The following ZNF91 variants were observed in gnomAD, a reference collection of about 807,000 sequenced individuals.
ZNF91 encodes the protein zinc finger protein 91 (HPF7, HTF10).
Under a neutral mutation model 12.6 loss-of-function variants are expected in ZNF91, and 7 were observed. That is an observed-to-expected ratio of 0.55 (90% CI 0.31 to 1.04). The LOEUF (loss-of-function observed/expected upper bound fraction) is 1.04. Among genes scored for constraint, ZNF91 ranks in the 50% least tolerant of loss-of-function variants. ZNF91 has a pLI of 0.05. For synonymous variants in ZNF91, 453 were observed against 462.6 expected (o/e 0.98, Z 0.27); for missense variants, 1,217 against 1,385.4 (o/e 0.88, Z 1.93).
chr19:23,316,538 G>T (rs79552274), intron 1 of ZNF91, among the ~76,000 whole-genome samples: 3,367 of 152,202 alleles, frequency 0.022, 49 homozygotes, highest in Middle Eastern at 0.044. Context: ...TCTTCTGCCT[G>T]GTCCCTTGTG....
intron 3 of ZNF91, among the ~76,000 whole-genome samples, chr19:23,365,178 GA>G (rs1230472886): frequency 4.1e-5 from 6 of 146,296 alleles, no homozygotes; most frequent in Admixed American, 2.7e-4. Context: ...TGTAATAAAA[GA>G]AAAAAAATTC....
intron 3 of ZNF91, among the ~76,000 whole-genome samples, chr19:23,368,442 G>A (rs1444628562): frequency 1.3e-5 from 2 of 151,632 alleles, no homozygotes; most frequent in Non-Finnish European, 2.9e-5. Flanking sequence ...TTGAACCCAG[G>A]AGGTGGGGGT....
chr19:23,326,714 T>G (rs188522238), intron 1 of ZNF91: 4 of 152,332 alleles, frequency 2.6e-5, no homozygotes, highest in African/African-American at 9.6e-5. Context: ...GCCTAACTAT[T>G]ACTACACATT....
intron 3 of ZNF91, among the ~76,000 whole-genome samples, chr19:23,369,607 T>C (rs1302094305): frequency 1.3e-5 from 2 of 152,188 alleles, no homozygotes; most frequent in Non-Finnish European, 2.9e-5. Context: ...AGATTGTTGC[T>C]GTGTCTGTGT....
intron 1 of ZNF91, among the ~76,000 whole-genome samples, chr19:23,309,779 G>A (rs781673848): frequency 6.6e-6 from 1 of 152,238 alleles, no homozygotes; most frequent in Middle Eastern, 3.4e-3. Flanking sequence ...GTTATAAAAG[G>A]TTACCACTCT....
chr19:23,369,559 T>C (rs958857912), intron 3 of ZNF91, among the ~76,000 whole-genome samples: 17 of 152,074 alleles, frequency 1.1e-4, no homozygotes, highest in African/African-American at 3.4e-4. Flanking sequence ...TTTTGTCGAA[T>C]AGAAAAGGGG....
At chr19:23,334,108 A>T (rs964131623), downstream of ZNF91, among the ~76,000 whole-genome samples, 4 of 152,162 alleles carry the variant, frequency 2.6e-5, no homozygotes, top group African/African-American at 9.7e-5. Context: ...TGTGTAGAGG[A>T]AGAGTGTGGG....
At chr19:23,394,958 C>G (rs962765594) in intron 1 of ZNF91, among the ~76,000 whole-genome samples, 6 of 152,218 alleles carry the variant, frequency 3.9e-5, no homozygotes, top group Middle Eastern at 3.4e-3. Context: ...GCCCTGGGAA[C>G]CCCACGGACT....
intron 2 of ZNF91, among the ~76,000 whole-genome samples, chr19:23,374,283 C>A (rs1426563744): frequency 9.9e-5 from 15 of 151,532 alleles, no homozygotes; most frequent in Admixed American, 9.9e-4. Context: ...AGAAATGAAG[C>A]CTGTAATCCC....
chr19:23,348,950 G>C (rs900907524), intron 3 of ZNF91, among the ~76,000 whole-genome samples: 2 of 152,150 alleles, frequency 1.3e-5, no homozygotes, highest in Non-Finnish European at 2.9e-5. Context: ...ATGCGGTTGA[G>C]AGAAGGGATG....
chr19:23,337,998 C>T (rs1968047870), downstream of ZNF91: 1 of 151,854 alleles, frequency 6.6e-6, no homozygotes, highest in African/African-American at 2.4e-5. Flanking sequence ...ACTTTGTTTC[C>T]AACTACATGA....
In ZNF91 at chr19:23,362,675, C is replaced by A; in HGVS notation, c.304G>T (p.Asp102Tyr). The A allele has an allele frequency of 2.0e-6, 3 of 1,537,006 alleles. No individual in the cohort carries two copies. The highest frequency in any genetic ancestry group is 1.7e-6 in the Non-Finnish European group (2 of 1,148,450). Residue 102 changes from aspartate (D) to tyrosine (Y), a missense_variant, in exon 4 of 4, where the codon GAT becomes TAT. Transcript: ENST00000300619. ...CTCAGTAATACTTTTTGAAAAGAATCTTCCATGCTCTGCTCTGGCCAAAAG... is the reference window on the plus strand; with the variant it reads ...CTCAGTAATACTTTTTGAAAAGAATATTCCATGCTCTGCTCTGGCCAAAAG... ...QDFWPEQSME[D>Y]SFQKVLLRKY...
At chr19:23,370,105 T>G (rs1337167010) in intron 3 of ZNF91, among the ~76,000 whole-genome samples, 1 of 151,970 alleles carries the variant, frequency 6.6e-6, no homozygotes, top group Non-Finnish European at 1.5e-5. Context: ...ATGTTATAAA[T>G]GTACTTTAAA....
At chr19:23,341,328 C>A (rs1190915300) in intron 3 of ZNF91, among the ~76,000 whole-genome samples, 2 of 152,102 alleles carry the variant, frequency 1.3e-5, no homozygotes, top group Admixed American at 1.3e-4. Flanking sequence ...GGATTACAGG[C>A]GTGAGCTACC....
rs191000354 is a variant in ZNF91, at chr19:23,320,782, C to T, written n.117-11685G>A. Among the ~76,000 whole-genome samples the T allele has an allele frequency of 3.2e-3, 489 of 152,246 alleles. 3 individuals are homozygous for T. The Middle Eastern group carries it at 0.037, about 12-fold the overall frequency. ...CCAGCTCAAAGGTGAGATTGTAATA[C>T]TAGTAAGCAGACACAGTCAAGAGTA... On this transcript the variant is annotated intron_variant and non_coding_transcript_variant, in intron 1 of 1. Coordinates refer to the ZNF91 transcript ENST00000596528.
intron 1 of ZNF91, among the ~76,000 whole-genome samples, chr19:23,383,151 T>A (rs994939899): frequency 6.6e-6 from 1 of 152,152 alleles, no homozygotes; most frequent in Non-Finnish European, 1.5e-5. Flanking sequence ...TATGAGCAAG[T>A]AGAATTTATT....
chr19:23,354,077 C>T (rs1240203687), downstream of ZNF91, among the ~76,000 whole-genome samples: 1 of 152,146 alleles, frequency 6.6e-6, no homozygotes, highest in Non-Finnish European at 1.5e-5. Context: ...GAGGAACCCT[C>T]CCTAATTCAT....
intron 1 of ZNF91, among the ~76,000 whole-genome samples, chr19:23,330,824 CT>C (rs1238412004): frequency 2.0e-5 from 3 of 152,190 alleles, no homozygotes; most frequent in Admixed American, 6.5e-5. Flanking sequence ...TCTTAAGGTA[CT>C]CTACAAATAA....
At chr19:23,305,260 A>G (rs1032451086) in intron 3 of ZNF91, 1 of 152,182 alleles carries the variant, frequency 6.6e-6, no homozygotes, top group African/African-American at 2.4e-5. Context: ...ATGTCCATTT[A>G]TGAGTATGTC....
Sources: gnomAD v4.1 joint callset for allele counts (sites outside exome capture counted in the v4.1 genomes callset) on GRCh38, gnomAD v4.1.1 for gene constraint, MANE v1.5 for transcripts, NCBI Gene and HGNC (gene_info 2026-07-23, HGNC 2026-07-21) for gene names.